CALN1: variants seen among roughly 807,000 people sequenced by gnomAD.
CALN1 encodes calneuron 1, also known as calcium-binding protein 8.
Under a neutral mutation model 30.6 loss-of-function variants are expected in CALN1, and 17 were observed. That is an observed-to-expected ratio of 0.56 (90% CI 0.38 to 0.83). The LOEUF (loss-of-function observed/expected upper bound fraction) is 0.83. Among genes scored for constraint, CALN1 ranks in the 40% least tolerant of loss-of-function variants. The pLI is 0.00. For missense variants in CALN1, 291 were observed against 354.9 expected, an observed-to-expected ratio of 0.82 and a Z score of 1.45; for synonymous variants, 156 against 131.4, an observed-to-expected ratio of 1.19 and a Z score of -1.28.
At chr7:71,791,200 T>C (rs1026677274) in intron 6 of CALN1, among the ~76,000 whole-genome samples, 1 of 152,194 alleles carries the variant, frequency 6.6e-6, no homozygotes, top group African/African-American at 2.4e-5. Flanking sequence ...TGTGTAGTAT[T>C]CCATGGTGTT....
intron 3 of CALN1, among the ~76,000 whole-genome samples, chr7:72,128,874 A>G (rs916755786): frequency 6.6e-6 from 1 of 152,236 alleles, no homozygotes; most frequent in Non-Finnish European, 1.5e-5. Context: ...CTCTGTCTCA[A>G]GATAAATAAA....
chr7:72,489,072 T>C, the CALN1 span, among the ~76,000 whole-genome samples: 2,785 of 152,248 alleles, frequency 0.018, 89 homozygotes, highest in African/African-American at 0.062. Context: ...TCAAGGATTA[T>C]TGGGCCCTGT....
intron 3 of CALN1, among the ~76,000 whole-genome samples, chr7:72,205,551 A>AATATATACATATATATATAT (rs1554319584): frequency 1.1e-4 from 9 of 83,040 alleles, no homozygotes; most frequent in East Asian, 1.7e-3. Context: ...GCAAAAAAAA[A>AATATATACATATATATATAT]ATATATATAT....
intron 3 of CALN1, among the ~76,000 whole-genome samples, 178 bp downstream of exon 3, chr7:72,278,508 C>T (rs1329052021): frequency 1.3e-5 from 2 of 151,516 alleles, no homozygotes; most frequent in South Asian, 2.1e-4. Context: ...CACACACACA[C>T]ACACACGTCA....
rs141265693 is a variant in CALN1, at chr7:72,259,385, C to T, written c.244+19301G>A. On this transcript the variant is annotated intron_variant, in intron 3 of 6. Transcript: ENST00000395275. The stretch of plus-strand genomic sequence containing the variant: ...ATGACCTTCAGTTCTCATCACCATT[C>T]CACCCTATCCAGACTCCCTGTCCCT... Among the ~76,000 whole-genome samples the T allele has an allele frequency of 1.8e-3, 271 of 152,220 alleles. 6 individuals are homozygous for T. Among genetic ancestry groups the T allele is most frequent in the Admixed American group, 0.014 (209 of 15,278 alleles).
At chr7:72,071,282 G>GA (rs1463715051) in intron 4 of CALN1, among the ~76,000 whole-genome samples, 1 of 152,156 alleles carries the variant, frequency 6.6e-6, no homozygotes, top group African/African-American at 2.4e-5. Context: ...GCTCTGACCA[G>GA]AGAGGTGCAG....
intron 4 of CALN1, among the ~76,000 whole-genome samples, chr7:72,033,888 T>A (rs1801614316): frequency 1.3e-5 from 2 of 151,962 alleles, no homozygotes; most frequent in South Asian, 4.2e-4. Context: ...GGGTCTTAGT[T>A]AAGACAATAG....
intron 4 of CALN1, among the ~76,000 whole-genome samples, chr7:72,104,504 G>A (rs533828300): frequency 6.6e-6 from 1 of 152,198 alleles, no homozygotes; most frequent in South Asian, 2.1e-4. Context: ...CCATCACCTT[G>A]GTATTAAGCC....
In CALN1 at chr7:72,344,043, T is replaced by C. The variant is rs141157030; in HGVS notation, c.119+59208A>G. 2.0e-5 allele frequency among the ~76,000 whole-genome samples: 3 copies of C among 152,288 alleles called. No individual in the cohort carries two copies. In the East Asian group the frequency reaches 5.8e-4, roughly 29 times the overall value. On this transcript the variant is annotated intron_variant, in intron 2 of 6. Transcript: ENST00000395275. ...TATTTTTTTTTATTTTTTAATTTCA[T>C]TTATTTATGTATTTATTTAGAGACA...
chr7:72,306,633 GAAGA>G (rs1268005785), intron 2 of CALN1, among the ~76,000 whole-genome samples: 3 of 98,304 alleles, frequency 3.1e-5, no homozygotes, highest in East Asian at 5.7e-4. Flanking sequence ...AAAAAAAAAA[GAAGA>G]AAAAAAAAGA....
At chr7:71,973,840 C>T (rs373119549) in intron 5 of CALN1, among the ~76,000 whole-genome samples, 2 of 152,162 alleles carry the variant, frequency 1.3e-5, no homozygotes, top group African/African-American at 4.8e-5. Context: ...GAGACTTTGG[C>T]GTTTTAATTG....
intron 4 of CALN1, among the ~76,000 whole-genome samples, chr7:72,094,888 C>G (rs1196112515): frequency 6.6e-6 from 1 of 152,124 alleles, no homozygotes; most frequent in Admixed American, 6.5e-5. Context: ...TTCGCCCAAC[C>G]AAAGGTAACC....
At chr7:72,065,055 G>GTTAATA (rs1184121422) in intron 4 of CALN1, among the ~76,000 whole-genome samples, 1 of 147,692 alleles carries the variant, frequency 6.8e-6, no homozygotes, top group East Asian at 1.9e-4. Flanking sequence ...ATATTTATAT[G>GTTAATA]TTAATATATG....
intron 3 of CALN1, among the ~76,000 whole-genome samples, chr7:72,269,210 T>C (rs991101683): frequency 2.0e-5 from 3 of 152,050 alleles, no homozygotes; most frequent in African/African-American, 7.2e-5. Context: ...GGTGAGATTT[T>C]ATTTTATTTT....
chr7:72,232,053 C>T (rs1309812186), intron 3 of CALN1, among the ~76,000 whole-genome samples: 1 of 152,018 alleles, frequency 6.6e-6, no homozygotes, highest in East Asian at 1.9e-4. Flanking sequence ...CTTGGAGATC[C>T]CCTACAGGCT....
At chr7:71,977,932 TA>T (rs59155068) in intron 5 of CALN1, among the ~76,000 whole-genome samples, 36,065 of 118,672 alleles carry the variant, frequency 0.3, 4,897 homozygotes, top group East Asian at 0.54. Flanking sequence ...ACTCTGTCTT[TA>T]AAAAAAAAAA....
At chr7:71,847,534 T>C (rs1040139834) in intron 5 of CALN1, among the ~76,000 whole-genome samples, 1 of 151,018 alleles carries the variant, frequency 6.6e-6, no homozygotes, top group Non-Finnish European at 1.5e-5. Context: ...AAAAAAAAAT[T>C]ATCCAGATGT....
intron 1 of CALN1, among the ~76,000 whole-genome samples, chr7:72,407,793 G>A (rs144083462): frequency 1.3e-5 from 2 of 152,190 alleles, no homozygotes; most frequent in Non-Finnish European, 2.9e-5. Context: ...TCAGATGGGC[G>A]CTGGACTGGA....
chr7:71,854,898 A>C (rs1255382631), intron 5 of CALN1, among the ~76,000 whole-genome samples: 1 of 152,218 alleles, frequency 6.6e-6, no homozygotes, highest in East Asian at 1.9e-4. Flanking sequence ...AAACATTAAG[A>C]AGCAGAAAAT....
Sources: allele counts gnomAD v4.1 joint callset (sites outside exome capture counted in the v4.1 genomes callset), GRCh38; gene constraint gnomAD v4.1.1; transcripts MANE v1.5; gene names NCBI Gene and HGNC (gene_info 2026-07-23, HGNC 2026-07-21).